Variants in GDF11 observed in about 807,000 individuals in gnomAD.
GDF11 encodes growth differentiation factor 11.
In GDF11, 12 loss-of-function variants were observed where a neutral mutation model predicts 34.4. That is an observed-to-expected ratio of 0.35 (90% CI 0.22 to 0.57). The LOEUF (loss-of-function observed/expected upper bound fraction) is 0.57, where lower values mean the gene tolerates loss of function less well. GDF11 is among the 20% of genes least tolerant of loss of function. The probability of loss-of-function intolerance (pLI) is 0.86; values close to 1 mark genes in which losing one functional copy is unlikely to be tolerated. For missense variants in GDF11, 346 were observed against 548.2 expected, an observed-to-expected ratio of 0.63 and a Z score of 3.68; for synonymous variants, 212 against 231.1, an observed-to-expected ratio of 0.92 and a Z score of 0.75.
chr12:55,748,769 G>A lies in GDF11; in HGVS notation c.629G>A (p.Gly210Glu). The A allele has an allele frequency of 1.2e-6, 2 of 1,614,242 alleles. No homozygotes were observed. The highest frequency in any genetic ancestry group is 1.7e-6 in the Non-Finnish European group (2 of 1,180,048). Reference protein sequence around the residue: ...LKPLTGEGTAGGGGGGRRHIR... With the variant: ...LKPLTGEGTAEGGGGGRRHIR... Reference sequence around the variant, plus strand: ...CCCCTAACTGGGGAAGGGACCGCAGGGGGAGGGGGCGGAGGCCGGCGTCAC... The same window carrying A: ...CCCCTAACTGGGGAAGGGACCGCAGAGGGAGGGGGCGGAGGCCGGCGTCAC... The change falls in exon 2 of 3, where the codon GGG becomes GAG. Residue 210 changes from glycine to glutamate, a missense_variant. By Grantham distance (98) the Gly-to-Glu change is moderately conservative. This residue lies in a region of GDF11 where 205 missense variants were observed against 311.3 expected (regional missense o/e 0.66). Coordinates refer to ENST00000257868, the MANE Select transcript of GDF11 (RefSeq NM_005811.5). The surrounding 1 kb of genome is among the most constrained non-coding windows in gnomAD (Gnocchi z 5.6).
Position 55,755,174 on chromosome 12 carries a change from T to G in GDF11, c.*5292T>G, listed in dbSNP as rs1365219903. On this transcript the variant is annotated 3_prime_UTR_variant, in exon 3 of 3. Coordinates refer to ENST00000257868, the MANE Select transcript of GDF11 (RefSeq NM_005811.5). ...GAACAGCAAAAAAGTTATCCTCCCTTAAGTTCCTCCCTCACTCCTCATATC... is the reference window on the plus strand; with the variant it reads ...GAACAGCAAAAAAGTTATCCTCCCTGAAGTTCCTCCCTCACTCCTCATATC... 1 of 152,142 alleles carries G rather than the reference T, an allele frequency of 6.6e-6. No homozygotes were observed. The highest frequency in any genetic ancestry group is 1.9e-4 in the East Asian group (1 of 5,200). 9.4% of individuals were successfully genotyped at this position (152,142 alleles called of 1,614,324 possible).
Position 55,749,464 on chromosome 12 carries a change from A to C in GDF11, c.844-38A>C. 1.3e-6 allele frequency: 2 copies of C among 1,574,234 alleles called. No homozygotes were observed. The highest frequency in any genetic ancestry group is 8.6e-7 in the Non-Finnish European group (1 of 1,157,724). The stretch of plus-strand genomic sequence containing the variant: ...GAACAGGGAAGAGGAACTGTTCAGG[A>C]CCATATCACATTTCTTTCCCCTCTC... On this transcript the variant is annotated intron_variant, in intron 2 of 2. Transcript: ENST00000257868. This position sits in a 1 kb window ranked among gnomAD's most constrained non-coding sequence, Gnocchi z 5.6.
rs1878302622 is a variant in GDF11, at chr12:55,751,036, G to A, written c.*1154G>A. 1 of 152,250 alleles carries A rather than the reference G, an allele frequency of 6.6e-6. No homozygotes were observed. Among genetic ancestry groups the A allele is most frequent in the Non-Finnish European group, 1.5e-5 (1 of 68,108 alleles). The allele number at this position is 152,250 out of a possible 1,614,324, so 9.4% of individuals were successfully genotyped here. On this transcript the variant is annotated 3_prime_UTR_variant, in exon 3 of 3. Coordinates refer to ENST00000257868, the MANE Select transcript of GDF11 (RefSeq NM_005811.5). ...GAGGTCAAGAAAGGAGCAGTAAGGA[G>A]GCTGAAGGTTACAGGGCATTTGAAT...
chr12:55,750,607 G>A lies in GDF11; in HGVS notation c.*725G>A, dbSNP rs1243703112. ...CTTAAGCACTTGTATAAAGCCTCCAGGGTTGGGAATGGGAGTAAAGGGCAA... is the reference window on the plus strand; with the variant it reads ...CTTAAGCACTTGTATAAAGCCTCCAAGGTTGGGAATGGGAGTAAAGGGCAA... On this transcript the variant is annotated 3_prime_UTR_variant, in exon 3 of 3. Coordinates refer to ENST00000257868, the MANE Select transcript of GDF11 (RefSeq NM_005811.5). The A allele has an allele frequency of 6.6e-6, 1 of 152,170 alleles. No homozygotes were observed. Among genetic ancestry groups the A allele is most frequent in the African/African-American group, 2.4e-5 (1 of 41,426 alleles). 9.4% of individuals were successfully genotyped at this position (152,170 alleles called of 1,614,324 possible).
At chr12:55,744,683 C>T (rs1287547922) in intron 1 of GDF11, among the ~76,000 whole-genome samples, 2 of 150,536 alleles carry the variant, frequency 1.3e-5, no homozygotes, top group Non-Finnish European at 1.5e-5. Flanking sequence ...GTGACTCCTT[C>T]TCCTCCCCCA....
At position 55,754,177 on chromosome 12, in the gene GDF11, C is replaced by G. The variant is rs1008450542; in HGVS notation, c.*4295C>G. ...ATGTATTCTATCTTCCCAAGGGAACCATATCCACATCTACCCCTAACTTTG... is the reference window on the plus strand; with the variant it reads ...ATGTATTCTATCTTCCCAAGGGAACGATATCCACATCTACCCCTAACTTTG... On this transcript the variant is annotated 3_prime_UTR_variant, in exon 3 of 3. Coordinates refer to ENST00000257868, the MANE Select transcript of GDF11 (RefSeq NM_005811.5). The G allele has an allele frequency of 6.6e-6, 1 of 152,158 alleles. No homozygotes were observed. The highest frequency in any genetic ancestry group is 1.5e-5 in the Non-Finnish European group (1 of 68,034). 9.4% of individuals were successfully genotyped at this position (152,158 alleles called of 1,614,324 possible).
rs1412119562 is a variant in GDF11, at chr12:55,749,654, A to C, written c.996A>C (p.Ala332=). 6.2e-7 allele frequency: 1 copy of C among 1,614,006 alleles called. No individual in the cohort carries two copies. Among genetic ancestry groups the C allele is most frequent in the South Asian group, 1.1e-5 (1 of 91,074 alleles). Residue 332 remains alanine, a synonymous_variant, in exon 3 of 3, where the codon GCA becomes GCC. Transcript: ENST00000257868. This position sits in a 1 kb window ranked among gnomAD's most constrained non-coding sequence, Gnocchi z 5.6. ...FEAFGWDWII[A]PKRYKANYCS... Reference sequence around the variant, plus strand: ...CTTTCGGCTGGGACTGGATCATCGCACCTAAGCGCTACAAGGCCAACTACT... The same window carrying C: ...CTTTCGGCTGGGACTGGATCATCGCCCCTAAGCGCTACAAGGCCAACTACT...
chr12:55,752,456 C>T lies in GDF11; in HGVS notation c.*2574C>T, dbSNP rs1878354243. The T allele has an allele frequency of 6.6e-6, 1 of 152,080 alleles. No individual in the cohort carries two copies. The allele number at this position is 152,080 out of a possible 1,614,324, so 9.4% of individuals were successfully genotyped here. A position where few individuals can be genotyped will look rare whatever the true frequency, so the allele number is the denominator to read the frequency against. On this transcript the variant is annotated 3_prime_UTR_variant, in exon 3 of 3. Transcript: ENST00000257868. ...GTCTCATTCCCCTGTTCCTCCCTAC[C>T]CCCAAAGAGGCACAGAGTGAAGGGA...
Position 55,748,405 on chromosome 12 carries a change from T to A in GDF11, c.446-181T>A, listed in dbSNP as rs1350009059. ...AGATCAGTAAGGCCTTATAGGGCCA[T>A]CATCCTAAAGAGGAAGTGCTGTTTT... is the stretch of plus-strand genomic sequence containing the variant. On this transcript the variant is annotated intron_variant, in intron 1 of 2. Transcript: ENST00000257868. This position sits in a 1 kb window ranked among gnomAD's most constrained non-coding sequence, Gnocchi z 5.6. Among the ~76,000 whole-genome samples, 1 of 152,228 alleles carries A rather than the reference T, an allele frequency of 6.6e-6. No homozygotes were observed. The highest frequency in any genetic ancestry group is 1.5e-5 in the Non-Finnish European group (1 of 68,040).
At position 55,754,883 on chromosome 12, in the gene GDF11, A is replaced by G. The variant is rs1878455831; in HGVS notation, c.*5001A>G. On this transcript the variant is annotated 3_prime_UTR_variant, in exon 3 of 3. Coordinates refer to ENST00000257868, the MANE Select transcript of GDF11 (RefSeq NM_005811.5). ...AATTAAACCTAAGTAGTTGCTAAAC[A>G]ATATTACATTCTAATCTATCCTATT... is the stretch of plus-strand genomic sequence containing the variant. 1 of 152,238 alleles carries G rather than the reference A, an allele frequency of 6.6e-6. No individual in the cohort carries two copies. The highest frequency in any genetic ancestry group is 1.5e-5 in the Non-Finnish European group (1 of 68,044). 9.4% of individuals were successfully genotyped at this position (152,238 alleles called of 1,614,324 possible). A position where few individuals can be genotyped will look rare whatever the true frequency, so the allele number is the denominator to read the frequency against.
Position 55,743,400 on chromosome 12 carries a change from CGCGGCGGCGGCG to C in GDF11, c.105_116del (p.Ala38_Ala41del), listed in dbSNP as rs759951553. The C allele has an allele frequency of 9.0e-5, 89 of 992,860 alleles. No individual in the cohort carries two copies. The highest frequency in any genetic ancestry group is 1.0e-3 in the Middle Eastern group (2 of 1,974). The allele number at this position is 992,860 out of a possible 1,614,324, so 61.5% of individuals were successfully genotyped here. On this transcript the variant is annotated inframe_deletion, in exon 1 of 3. Coordinates refer to ENST00000257868, the MANE Select transcript of GDF11 (RefSeq NM_005811.5). ...CCCGGGGGGAGGCGGCCGAGGGCCCCGCGGCGGCGGCGGCGGCGGCGGCGGCGGCGGCAGCGG... is the reference window on the plus strand; with the variant it reads ...CCCGGGGGGAGGCGGCCGAGGGCCCCGCGGCGGCGGCGGCGGCGGCAGCGG...
rs765329043 is a variant in GDF11 at position 55,743,665 on chromosome 12, C to T, written c.349C>T (p.His117Tyr). ...APPLQQILDL[H>Y]DFQGDALQPE... The stretch of plus-strand genomic sequence containing the variant: ...GCCGCTGCAGCAGATCCTGGACCTA[C>T]ACGACTTCCAGGGCGACGCGCTGCA... Residue 117 changes from histidine (H) to tyrosine (Y), a missense_variant, in exon 1 of 3, where the codon CAC becomes TAC. Physicochemically the swap from His to Tyr is moderately conservative, Grantham distance 83 (BLOSUM62 2). Transcript: ENST00000257868. 4.4e-6 allele frequency: 7 copies of T among 1,604,168 alleles called. No individual in the cohort carries two copies. Among genetic ancestry groups the T allele is most frequent in the Non-Finnish European group, 5.9e-6 (7 of 1,179,802 alleles).
chr12:55,746,023 AGGGGGTT>A (rs1418969193), intron 1 of GDF11, among the ~76,000 whole-genome samples: 4 of 151,756 alleles, frequency 2.6e-5, no homozygotes, highest in Admixed American at 6.6e-5. Context: ...GTGTGCAGGG[AGGGGGTT>A]GGGCATTTGC....
rs548559009 is a variant in GDF11, at chr12:55,751,611, G to A, written c.*1729G>A. On this transcript the variant is annotated 3_prime_UTR_variant, in exon 3 of 3. Transcript: ENST00000257868. The stretch of plus-strand genomic sequence containing the variant: ...CTTAAGAGGAGTCACAGGCTTCAGA[G>A]TACAAGTTCCCCTCTGCCTCCCAGC... The A allele has an allele frequency of 3.9e-5, 6 of 152,362 alleles. No homozygotes were observed. The East Asian group carries it at 1.2e-3, about 29-fold the overall frequency. 9.4% of individuals were successfully genotyped at this position (152,362 alleles called of 1,614,324 possible).
chr12:55,743,786 A>G, intron 1 of GDF11, 25 bp downstream of exon 1: 1 of 1,500,752 alleles, frequency 6.7e-7, no homozygotes, highest in Non-Finnish European at 8.9e-7. Context: ...GGGCGCGAGC[A>G]GTGGGGTGCT....
rs1473116260 is a variant in GDF11, at chr12:55,753,182, T to C, written c.*3300T>C. On this transcript the variant is annotated 3_prime_UTR_variant, in exon 3 of 3. Transcript: ENST00000257868. ...CTCCACAGAATGGAAGATCTAAAGG[T>C]TCTCTTGAGATGATCCAGCTAGTAT... The C allele has an allele frequency of 6.6e-6, 1 of 152,096 alleles. No homozygotes were observed. The highest frequency in any genetic ancestry group is 2.4e-5 in the African/African-American group (1 of 41,398). The allele number at this position is 152,096 out of a possible 1,614,324, so 9.4% of individuals were successfully genotyped here.
chr12:55,744,507 G>A (rs1236512691), intron 1 of GDF11, among the ~76,000 whole-genome samples: 1 of 152,014 alleles, frequency 6.6e-6, no homozygotes, highest in Non-Finnish European at 1.5e-5. Flanking sequence ...CGAAGACCTA[G>A]GAAAAAAGAG....
intron 1 of GDF11, among the ~76,000 whole-genome samples, chr12:55,747,792 A>C (rs1878215827): frequency 6.6e-6 from 1 of 152,208 alleles, no homozygotes; most frequent in African/African-American, 2.4e-5. Flanking sequence ...GGGAGAAAAA[A>C]GGCATTGTAG....
At position 55,749,237 on chromosome 12, in the gene GDF11, A is replaced by T. The variant is rs1878250852; in HGVS notation, c.843+254A>T. Among the ~76,000 whole-genome samples the T allele has an allele frequency of 6.6e-6, 1 of 152,198 alleles. No homozygotes were observed. The highest frequency in any genetic ancestry group is 2.4e-5 in the African/African-American group (1 of 41,438). On this transcript the variant is annotated intron_variant, in intron 2 of 2. Coordinates refer to ENST00000257868, the MANE Select transcript of GDF11 (RefSeq NM_005811.5). This position sits in a 1 kb window ranked among gnomAD's most constrained non-coding sequence, Gnocchi z 5.6. ...AGTTAATGGAAGAGCTGTGAGAACA[A>T]AAAAACTGGCTGTTGAGGCGTTGGG...
Sources: gnomAD v4.1 joint callset for allele counts (sites outside exome capture counted in the v4.1 genomes callset) on GRCh38, gnomAD v4.1.1 for gene constraint, gnomAD v4.1.1 regional missense constraint, Gnocchi (gnomAD v3.1) non-coding constraint, MANE v1.5 for transcripts, NCBI Gene and HGNC (gene_info 2026-07-23, HGNC 2026-07-21) for gene names.